ITPRID2: variants seen among roughly 807,000 people sequenced by gnomAD.
The protein encoded by ITPRID2 is ITPR interacting domain containing 2, also known as protein ITPRID2.
Under a neutral mutation model 124.3 loss-of-function variants are expected in ITPRID2, and 60 were observed. The ratio of observed to expected loss-of-function variants is 0.48; its 90% CI spans 0.39 to 0.60. ITPRID2 has a LOEUF of 0.60. Ranked by LOEUF, ITPRID2 falls within the 20% of genes least tolerant of loss-of-function variation. ITPRID2 has a pLI of 0.00. For synonymous variants in ITPRID2, 521 were observed against 542.9 expected, an observed-to-expected ratio of 0.96 and a Z score of 0.56; for missense variants, 1,553 against 1,512.2, an observed-to-expected ratio of 1.03 and a Z score of -0.45.
intron 16 of ITPRID2, 139 bp from the exon 17 acceptor site, chr2:181,928,022 C>G: frequency 1.7e-6 from 1 of 599,404 alleles, no homozygotes; most frequent in Non-Finnish European, 3.0e-6. Flanking sequence ...CGATTCCCCA[C>G]TCCCTCTCTG....
At chr2:181,900,522 T>C (rs751692462) in intron 6 of ITPRID2, among the ~76,000 whole-genome samples, 174 bp from the exon 7 acceptor site, 1 of 152,224 alleles carries the variant, frequency 6.6e-6, no homozygotes, top group Non-Finnish European at 1.5e-5. Flanking sequence ...GGGCTATTTA[T>C]TCCCCAGTAC....
chr2:181,929,671 T>C lies in ITPRID2; in HGVS notation c.*124T>C, dbSNP rs373694123. ...CTTGCTGTTGAGCTGGGCTACTGTA[T>C]ACAGTGTACAATGTGTATTTCTTCA... On this transcript the variant is annotated 3_prime_UTR_variant, in exon 18 of 18. Transcript: ENST00000431877. The C allele has an allele frequency of 4.0e-5, 63 of 1,557,118 alleles. No homozygotes were observed. In the African/African-American group the frequency reaches 7.3e-4, roughly 18 times the overall value.
chr2:181,893,331 A>G (rs1691919392), intron 2 of ITPRID2: 1 of 152,252 alleles, frequency 6.6e-6, no homozygotes, highest in African/African-American at 2.4e-5. Flanking sequence ...AGCAAAATGT[A>G]CTTGTTTCTT....
chr2:181,892,165 C>A lies in ITPRID2; in HGVS notation c.99C>A (p.Ser33=), dbSNP rs138328070. Residue 33 remains serine, a synonymous_variant, in exon 1 of 18, where the codon TCC becomes TCA. Coordinates refer to ENST00000431877, the MANE Select transcript of ITPRID2 (RefSeq NM_001130445.3). The surrounding 1 kb of genome is among the most constrained non-coding windows in gnomAD (Gnocchi z 5.2). ...AGGCCTGGGCCAAGTGCCGCAGCTC[C>A]TGGCAAGCGTCGGAGACGGAGGATC... is the stretch of plus-strand genomic sequence containing the variant. ...RRKAWAKCRS[S]WQASETEDLS... is the part of the protein sequence containing the mutation. 1.0e-5 allele frequency: 16 copies of A among 1,555,250 alleles called. No homozygotes were observed. In the African/African-American group the frequency reaches 2.0e-4, roughly 20 times the overall value.
Position 181,921,931 on chromosome 2 carries a change from T to A in ITPRID2, c.3211-17T>A. On this transcript the variant is annotated splice_polypyrimidine_tract_variant and intron_variant, in intron 15 of 17. Transcript: ENST00000431877. Reference sequence around the variant, plus strand: ...TAATTCCAAGAGAGAAGAATAACATTTTTTTATGATCTCCAGGTCACTGAA... The same window carrying A: ...TAATTCCAAGAGAGAAGAATAACATATTTTTATGATCTCCAGGTCACTGAA... The A allele has an allele frequency of 6.3e-7, 1 of 1,596,292 alleles. No individual in the cohort carries two copies. The highest frequency in any genetic ancestry group is 8.5e-7 in the Non-Finnish European group (1 of 1,171,412).
chr2:181,926,510 G>A (rs1229466829), intron 16 of ITPRID2, among the ~76,000 whole-genome samples: 2 of 151,982 alleles, frequency 1.3e-5, no homozygotes, highest in African/African-American at 2.4e-5. Flanking sequence ...TCAGGAGATC[G>A]AGACCATCTT....
At chr2:181,908,728 A>T (rs1693356154) in intron 8 of ITPRID2, among the ~76,000 whole-genome samples, 1 of 152,218 alleles carries the variant, frequency 6.6e-6, no homozygotes, top group Non-Finnish European at 1.5e-5. Flanking sequence ...TACTATCTTT[A>T]ACCTTTGGGC....
chr2:181,901,252 G>T (rs1692641709), intron 7 of ITPRID2, among the ~76,000 whole-genome samples: 2 of 152,108 alleles, frequency 1.3e-5, no homozygotes, highest in African/African-American at 4.8e-5. Flanking sequence ...AACTAGTCTG[G>T]CTAATTTGAT....
At chr2:181,916,449 C>T in intron 11 of ITPRID2, 22 bp downstream of exon 11, 2 of 1,597,264 alleles carry the variant, frequency 1.3e-6, no homozygotes, top group Non-Finnish European at 1.7e-6. Context: ...AGTATGTTAT[C>T]ATTAGCTTTT....
In ITPRID2 at chr2:181,918,867, T is replaced by C. The variant is rs1373416134; in HGVS notation, c.2978T>C (p.Met993Thr). ...CAGCAAACCATGGTTTATCATCATA[T>C]GACTGAGGAGGAGAGGTAAAAGTTC... Reference protein sequence around the residue: ...LRQQTMVYHHMTEEERFEVDQ... With the variant: ...LRQQTMVYHHTTEEERFEVDQ... Residue 993 changes from methionine (M) to threonine (T), a missense_variant, in exon 13 of 18, where the codon ATG becomes ACG. Met to Thr is a moderately conservative substitution (Grantham distance 81). Transcript: ENST00000431877. 4.3e-6 allele frequency: 7 copies of C among 1,614,150 alleles called. No homozygotes were observed. Among genetic ancestry groups the C allele is most frequent in the Non-Finnish European group, 5.9e-6 (7 of 1,180,022 alleles).
At position 181,909,919 on chromosome 2, in the gene ITPRID2, A is replaced by C; in HGVS notation, c.1434A>C (p.Glu478Asp). The C allele has an allele frequency of 6.2e-7, 1 of 1,613,354 alleles. No individual in the cohort carries two copies. ...TTAAGGTTCAAAGTACGGAGGGAGA[A>C]GCTCCTCATGTTCCAGCCACTTACC... ...EMEEVQSTEG[E>D]APHVPATYQL... Residue 478 changes from glutamate to aspartate, a missense_variant, in exon 9 of 18, where the codon GAA (glutamate) becomes GAC (aspartate). Transcript: ENST00000431877.
Position 181,892,855 on chromosome 2 carries a change from C to T in ITPRID2, c.257+195C>T, listed in dbSNP as rs1000413491. 1.6e-6 allele frequency: 1 copy of T among 636,434 alleles called. No homozygotes were observed. The highest frequency in any genetic ancestry group is 1.8e-5 in the South Asian group (1 of 54,240). 39.4% of individuals were successfully genotyped at this position (636,434 alleles called of 1,614,324 possible). A position where few individuals can be genotyped will look rare whatever the true frequency, so the allele number is the denominator to read the frequency against. On this transcript the variant is annotated intron_variant, in intron 2 of 17. Transcript: ENST00000431877. The surrounding 1 kb of genome is among the most constrained non-coding windows in gnomAD (Gnocchi z 5.2). ...CTGTGACCGCTGATTATTTGGTGAC[C>T]GTGTTGACTTTACAGTTAGGACTTG...
In ITPRID2 at chr2:181,915,684, A is replaced by C; in HGVS notation, c.2044A>C (p.Thr682Pro). Residue 682 changes from threonine (T) to proline (P), a missense_variant, in exon 11 of 18, where the codon ACT (threonine) becomes CCT (proline). Coordinates refer to ENST00000431877, the MANE Select transcript of ITPRID2 (RefSeq NM_001130445.3). ...KCSDMSSENTTGPPSSMDRVN... is the reference protein window; with the variant it reads ...KCSDMSSENTPGPPSSMDRVN... ...CAGTGATATGAGCTCTGAAAATACA[A>C]CTGGGCCTCCCTCTTCCATGGACAG... 1 of 1,614,190 alleles carries C rather than the reference A, an allele frequency of 6.2e-7. No individual in the cohort carries two copies. Among genetic ancestry groups the C allele is most frequent in the Non-Finnish European group, 8.5e-7 (1 of 1,180,032 alleles).
rs542087768 is a variant in ITPRID2 at position 181,930,386 on chromosome 2, T to A, written c.*839T>A. The A allele has an allele frequency of 5.2e-5, 8 of 152,568 alleles. No individual in the cohort carries two copies. The highest frequency in any genetic ancestry group is 1.2e-4 in the Non-Finnish European group (8 of 67,990). The allele number at this position is 152,568 out of a possible 1,614,324, so 9.5% of individuals were successfully genotyped here. Reference sequence around the variant, plus strand: ...GGTGTTTGTTTTTTCAAAATGGAAGTAATTTAGATTTGTTCTCCTCATACA... The same window carrying A: ...GGTGTTTGTTTTTTCAAAATGGAAGAAATTTAGATTTGTTCTCCTCATACA... On this transcript the variant is annotated 3_prime_UTR_variant, in exon 18 of 18. Transcript: ENST00000431877.
Position 181,910,752 on chromosome 2 carries a change from A to T in ITPRID2, c.1486+781A>T, listed in dbSNP as rs960494538. The stretch of plus-strand genomic sequence containing the variant: ...ATGTTTGTTGTCTCCTGATCTCTGA[A>T]ATTACTTCACAGGAGACAATTTGCA... On this transcript the variant is annotated intron_variant, in intron 9 of 17. Coordinates refer to ENST00000431877, the MANE Select transcript of ITPRID2 (RefSeq NM_001130445.3). The surrounding 1 kb of genome is among the most constrained non-coding windows in gnomAD (Gnocchi z 4.1). 7.6e-6 allele frequency: 4 copies of T among 529,572 alleles called. No individual in the cohort carries two copies. The highest frequency in any genetic ancestry group is 6.0e-5 in the African/African-American group (3 of 50,162). 32.8% of individuals were successfully genotyped at this position (529,572 alleles called of 1,614,324 possible).
rs1005247677 is a variant in ITPRID2 at position 181,908,096 on chromosome 2, G to A, written c.1414-1803G>A. 5.3e-4 allele frequency among the ~76,000 whole-genome samples: 80 copies of A among 152,142 alleles called. 2 individuals carry two copies. The highest frequency in any genetic ancestry group is 4.8e-3 in the Admixed American group (74 of 15,276). On this transcript the variant is annotated intron_variant, in intron 8 of 17. Transcript: ENST00000431877. ...TGTGTTTAAAGGTGAGCAGCCGGGTGCGGCGGCTCACACCTTTAATCCCAG... is the reference window on the plus strand; with the variant it reads ...TGTGTTTAAAGGTGAGCAGCCGGGTACGGCGGCTCACACCTTTAATCCCAG...
At position 181,926,309 on chromosome 2, in the gene ITPRID2, T is replaced by C. The variant is rs542613606; in HGVS notation, c.3676-1852T>C. Among the ~76,000 whole-genome samples, 4 of 152,294 alleles carry C rather than the reference T, an allele frequency of 2.6e-5. No individual in the cohort carries two copies. The South Asian group carries it at 8.3e-4, about 32-fold the overall frequency. On this transcript the variant is annotated intron_variant, in intron 16 of 17. Transcript: ENST00000431877. ...TATATTTTATGAAACAGTATTCATT[T>C]TGTGTCCATTGAGATTATATCATGC...
chr2:181,892,510 G>A lies in ITPRID2; in HGVS notation c.212-105G>A. The A allele has an allele frequency of 4.9e-6, 7 of 1,419,112 alleles. No individual in the cohort carries two copies. In the Admixed American group the frequency reaches 1.2e-4, roughly 24 times the overall value. The allele number at this position is 1,419,112 out of a possible 1,614,324, so 87.9% of individuals were successfully genotyped here. ...AGGGACACTGAGACGTGTCGCTTAG[G>A]CTGCATTTGCCGTGGTAGATTTTCC... On this transcript the variant is annotated intron_variant, in intron 1 of 17. Transcript: ENST00000431877. This position sits in a 1 kb window ranked among gnomAD's most constrained non-coding sequence, Gnocchi z 5.2.
At chr2:181,922,639 T>G (rs931591030) in intron 16 of ITPRID2, among the ~76,000 whole-genome samples, 10 of 152,270 alleles carry the variant, frequency 6.6e-5, no homozygotes, top group African/African-American at 2.4e-4. Context: ...TACAATTCTC[T>G]GTGTTCAGTA....
Sources: gnomAD v4.1 joint callset for allele counts (sites outside exome capture counted in the v4.1 genomes callset) on GRCh38, gnomAD v4.1.1 for gene constraint, Gnocchi (gnomAD v3.1) non-coding constraint, MANE v1.5 for transcripts, NCBI Gene and HGNC (gene_info 2026-07-23, HGNC 2026-07-21) for gene names.